The following ZAN variants were observed in gnomAD, a reference collection of about 807,000 sequenced individuals.
ZAN encodes zonadhesin.
Under a neutral mutation model 286.2 loss-of-function variants are expected in ZAN, and 260 were observed. The observed-to-expected ratio is 0.91, with a 90% CI of 0.82 to 1.01. The LOEUF is 1.01. Among genes scored for constraint, ZAN ranks in the 50% least tolerant of loss-of-function variants. ZAN has a pLI of 0.00. For missense variants in ZAN, 3,410 were observed against 3,639.2 expected (o/e 0.94, Z 1.62); for synonymous variants, 1,368 against 1,417.5 (o/e 0.97, Z 0.79).
intron 35 of ZAN, among the ~76,000 whole-genome samples, chr7:100,781,542 C>T (rs1811195666): frequency 6.6e-6 from 1 of 151,586 alleles, no homozygotes; most frequent in African/African-American, 2.4e-5. Context: ...GGCCGCTGCT[C>T]AGCTGCCCCA....
At chr7:100,762,072 G>T in intron 19 of ZAN, 143 bp from the exon 20 acceptor site, 1 of 967,034 alleles carries the variant, frequency 1.0e-6, no homozygotes, top group Non-Finnish European at 1.6e-6. Context: ...AGGGCCATGG[G>T]GTCCTCTTGT....
At chr7:100,795,105 T>C in intron 44 of ZAN, 91 bp from the exon 45 acceptor site, 1 of 1,466,962 alleles carries the variant, frequency 6.8e-7, no homozygotes, top group Non-Finnish European at 9.1e-7. Context: ...CGCTGCTTTC[T>C]CCCCGGGCGT....
rs941173657 is a variant in ZAN, at chr7:100,786,130, G to T, written c.6968G>T (p.Cys2323Phe). The change falls in exon 37 of 48, where the codon TGT (cysteine) becomes TTT (phenylalanine). Residue 2323 changes from cysteine to phenylalanine, a missense_variant. This residue lies in a region of ZAN where 1,289 missense variants were observed against 1,314.3 expected (regional missense o/e 0.98). Coordinates refer to ENST00000613979, the MANE Select transcript of ZAN (RefSeq NM_003386.3). ...ACTTCCGACAACAGCAACAGCAATT[G>T]TGTCTCAGACAGTAAGGGGAGCGAC... ...QLTSDNSNSNCVSDKSEQCSV... is the reference protein window; with the variant it reads ...QLTSDNSNSNFVSDKSEQCSV... 5 of 1,613,982 alleles carry T rather than the reference G, an allele frequency of 3.1e-6. No homozygotes were observed. Among genetic ancestry groups the T allele is most frequent in the East Asian group, 2.2e-5 (1 of 44,878 alleles).
chr7:100,760,601 T>A (rs1809498002), intron 19 of ZAN, 65 bp downstream of exon 19: 8 of 1,586,050 alleles, frequency 5.0e-6, no homozygotes, highest in Non-Finnish European at 6.9e-6. Context: ...CTGCCTCTTC[T>A]TCCTGCTGCC....
intron 11 of ZAN, among the ~76,000 whole-genome samples, chr7:100,749,376 C>T (rs1808450285): frequency 6.6e-6 from 1 of 151,924 alleles, no homozygotes; most frequent in African/African-American, 2.4e-5. Context: ...CGCAGTGGCT[C>T]ACACCTGTAA....
At chr7:100,755,434 T>C (rs764118415) in intron 15 of ZAN, 24 bp downstream of exon 15, 16 of 1,606,706 alleles carry the variant, frequency 1.0e-5, no homozygotes, top group African/African-American at 4.0e-5. Context: ...GATGCTGGGG[T>C]CCCATGAGGG....
At position 100,797,427 on chromosome 7, in the gene ZAN, C is replaced by T. The variant is rs201777978; in HGVS notation, c.8328C>T (p.Ala2776=). ...TGCCTGTGGTGGTCGTACTACTGGC[C>T]GTGACCAGAGAGTGCATTTACAGAA... The part of the protein sequence containing the change: ...LLVPVVVVLL[A]VTRECIYRTR... The change falls in exon 46 of 48, where the codon GCC becomes GCT. Residue 2776 remains alanine (A), a synonymous_variant. Coordinates refer to ENST00000613979, the MANE Select transcript of ZAN (RefSeq NM_003386.3). The T allele has an allele frequency of 1.9e-5, 31 of 1,613,826 alleles. No homozygotes were observed. Among genetic ancestry groups the T allele is most frequent in the Admixed American group, 5.0e-5 (3 of 59,988 alleles).
Position 100,738,482 on chromosome 7 carries a change from G to C in ZAN, c.635G>C (p.Ser212Thr). The change falls in exon 7 of 48, where the codon AGC becomes ACC. Residue 212 changes from serine (S) to threonine (T), a missense_variant. By Grantham distance (58) the Ser-to-Thr change is moderately conservative (BLOSUM62 1). Coordinates refer to ENST00000613979, the MANE Select transcript of ZAN (RefSeq NM_003386.3). ...TCAGTCTGTATGATGCAAACATGCAGCTTTGACATTCCAAATGACCTCTGT... is the reference window on the plus strand; with the variant it reads ...TCAGTCTGTATGATGCAAACATGCACCTTTGACATTCCAAATGACCTCTGT... ...CNRVCMMQTC[S>T]FDIPNDLCDW... 3 of 1,476,570 alleles carry C rather than the reference G, an allele frequency of 2.0e-6. No homozygotes were observed. The highest frequency in any genetic ancestry group is 1.8e-6 in the Non-Finnish European group (2 of 1,083,132). The allele number at this position is 1,476,570 out of a possible 1,614,324, so 91.5% of individuals were successfully genotyped here. A position where few individuals can be genotyped will look rare whatever the true frequency, so the allele number is the denominator to read the frequency against.
At chr7:100,761,947 GATAAATAAATAAATAAATAA>G (rs113604904) in intron 19 of ZAN, among the ~76,000 whole-genome samples, 1 of 147,982 alleles carries the variant, frequency 6.8e-6, no homozygotes, top group African/African-American at 2.5e-5. Flanking sequence ...TGAAAAAAAG[GATAAATAAATAAATAAATAA>G]ATAAATAAAT....
At chr7:100,774,956 G>T (rs1458423171) in intron 31 of ZAN, among the ~76,000 whole-genome samples, 1 of 149,800 alleles carries the variant, frequency 6.7e-6, no homozygotes, top group East Asian at 1.9e-4. Context: ...TTTTGATGCA[G>T]TGTCTCTGTT....
Position 100,784,782 on chromosome 7 carries a change from G to C in ZAN, c.6782G>C (p.Cys2261Ser). 1 of 1,613,202 alleles carries C rather than the reference G, an allele frequency of 6.2e-7. No individual in the cohort carries two copies. ...QPGYVLSEDKCVPRSQCGCKD... is the reference protein window; with the variant it reads ...QPGYVLSEDKSVPRSQCGCKD... ...GGCTATGTGCTGAGTGAAGACAAGTGTGTCCCCAGAAGTCAGTGTGGCTGC... is the reference window on the plus strand; with the variant it reads ...GGCTATGTGCTGAGTGAAGACAAGTCTGTCCCCAGAAGTCAGTGTGGCTGC... The change falls in exon 36 of 48, where the codon TGT (cysteine) becomes TCT (serine). Residue 2261 changes from cysteine to serine, a missense_variant. By Grantham distance (112) the Cys-to-Ser change is moderately radical (BLOSUM62 -1). Transcript: ENST00000613979.
rs116928466 is a variant in ZAN, at chr7:100,753,400, G to T, written c.3124+171G>T. On this transcript the variant is annotated intron_variant, in intron 14 of 47. Transcript: ENST00000613979. ...TGGCGACTTCAGAGGAAATGGGGAG[G>T]ACTGCCCAGAGCGAGAGGGATGGCA... 1.8e-3 allele frequency among the ~76,000 whole-genome samples: 274 copies of T among 152,340 alleles called. 1 individual carries two copies. Among genetic ancestry groups the T allele is most frequent in the Middle Eastern group, 3.4e-3 (1 of 294 alleles).
At position 100,735,878 on chromosome 7, in the gene ZAN, A is replaced by G. The variant is rs750048611; in HGVS notation, c.106+106A>G. On this transcript the variant is annotated intron_variant, in intron 3 of 47. Transcript: ENST00000613979. ...GTTCCTAGCAGGAGCAGCCACCTCCAGTCCCCTCCGGGCATCAGCCAGGAC... is the reference window on the plus strand; with the variant it reads ...GTTCCTAGCAGGAGCAGCCACCTCCGGTCCCCTCCGGGCATCAGCCAGGAC... 72 of 920,064 alleles carry G rather than the reference A, an allele frequency of 7.8e-5. 3 individuals carry two copies. The Middle Eastern group carries it at 4.6e-3, about 58-fold the overall frequency. The allele number at this position is 920,064 out of a possible 1,614,324, so 57.0% of individuals were successfully genotyped here. A position where few individuals can be genotyped will look rare whatever the true frequency, so the allele number is the denominator to read the frequency against.
intron 15 of ZAN, among the ~76,000 whole-genome samples, chr7:100,757,571 A>G (rs1809231624): frequency 1.3e-5 from 2 of 151,930 alleles, no homozygotes; most frequent in South Asian, 4.2e-4. Context: ...CCTGGCCAAC[A>G]TGGAGAAACC....
intron 7 of ZAN, among the ~76,000 whole-genome samples, 182 bp from the exon 8 acceptor site, chr7:100,746,356 A>G (rs1041005864): frequency 6.6e-6 from 1 of 152,204 alleles, no homozygotes; most frequent in Non-Finnish European, 1.5e-5. Flanking sequence ...ACCCAGCCCA[A>G]GCATTTCTAG....
At chr7:100,758,754 G>A in intron 17 of ZAN, 104 bp downstream of exon 17, 1 of 1,490,852 alleles carries the variant, frequency 6.7e-7, no homozygotes, top group East Asian at 2.5e-5. Flanking sequence ...CACAGATGGG[G>A]GAAGAGGCAA....
At position 100,743,015 on chromosome 7, in the gene ZAN, C is replaced by T. The variant is rs1335491436; in HGVS notation, c.767-3523C>T. On this transcript the variant is annotated intron_variant, in intron 7 of 47. Coordinates refer to ENST00000613979, the MANE Select transcript of ZAN (RefSeq NM_003386.3). ...GGCTTTTGCAAAAATCCAGGCGACA[C>T]TCTTTCTTTTTCTTTCTTTTTTTTT... 6.1e-5 allele frequency among the ~76,000 whole-genome samples: 8 copies of T among 131,358 alleles called. 1 individual carries two copies. The East Asian group carries it at 1.5e-3, about 24-fold the overall frequency. 86.2% of individuals were successfully genotyped at this position (131,358 alleles called of 152,430 possible). A position where few individuals can be genotyped will look rare whatever the true frequency, so the allele number is the denominator to read the frequency against.
chr7:100,793,525 C>T (rs915678251), intron 42 of ZAN, among the ~76,000 whole-genome samples: 3 of 151,884 alleles, frequency 2.0e-5, no homozygotes, highest in East Asian at 1.9e-4. Flanking sequence ...CTGCAACCTC[C>T]GCCTCCTGGG....
Position 100,737,442 on chromosome 7 carries a change from C to T in ZAN, c.613+93C>T, listed in dbSNP as rs1036822449. The T allele has an allele frequency of 4.3e-6, 4 of 930,488 alleles. 1 individual carries two copies. Among genetic ancestry groups the T allele is most frequent in the Non-Finnish European group, 4.7e-6 (3 of 637,336 alleles). 57.6% of individuals were successfully genotyped at this position (930,488 alleles called of 1,614,324 possible). On this transcript the variant is annotated intron_variant, in intron 6 of 47. Coordinates refer to ENST00000613979, the MANE Select transcript of ZAN (RefSeq NM_003386.3). ...AGGATCCAGGGCGGGCGCGGTGGCTCATGCCTGTAATCCCAGCACTTTGGG... is the reference window on the plus strand; with the variant it reads ...AGGATCCAGGGCGGGCGCGGTGGCTTATGCCTGTAATCCCAGCACTTTGGG...
Sources: gnomAD v4.1 joint callset for allele counts (sites outside exome capture counted in the v4.1 genomes callset) on GRCh38, gnomAD v4.1.1 for gene constraint, gnomAD v4.1.1 regional missense constraint, MANE v1.5 for transcripts, NCBI Gene and HGNC (gene_info 2026-07-23, HGNC 2026-07-21) for gene names.